Variants in TACC1 observed in about 807,000 individuals in gnomAD.
The protein encoded by TACC1 is transforming acidic coiled-coil containing protein 1.
A neutral mutation model predicts 84.4 loss-of-function variants in TACC1; 48 were observed. That is an observed-to-expected ratio of 0.57 (90% CI 0.45 to 0.72). The LOEUF (loss-of-function observed/expected upper bound fraction) is 0.72. Ranked by LOEUF, TACC1 falls within the 30% of genes least tolerant of loss-of-function variation. The probability of loss-of-function intolerance (pLI) is 0.00; values close to 1 mark genes in which losing one functional copy is unlikely to be tolerated. For missense variants in TACC1, 920 were observed against 973.0 expected (o/e 0.95, Z 0.72); for synonymous variants, 372 against 376.3 (o/e 0.99, Z 0.13).
intron 3 of TACC1, among the ~76,000 whole-genome samples, chr8:38,746,797 T>G (rs1808170782): frequency 6.6e-6 from 1 of 152,214 alleles, no homozygotes; most frequent in Non-Finnish European, 1.5e-5. Flanking sequence ...AATCAACTAT[T>G]AAACAGTGCA....
intron 6 of TACC1, among the ~76,000 whole-genome samples, chr8:38,834,503 G>A (rs780598934): frequency 9.2e-5 from 14 of 152,216 alleles, no homozygotes; most frequent in Non-Finnish European, 1.5e-4. Flanking sequence ...CCCACTGCAA[G>A]TGCCTTCTGG....
At chr8:38,774,364 C>T (rs900768444) in intron 3 of TACC1, among the ~76,000 whole-genome samples, 7 of 152,180 alleles carry the variant, frequency 4.6e-5, no homozygotes, top group Admixed American at 1.3e-4. Flanking sequence ...CTCTTTTGTT[C>T]AACACAGTGT....
At chr8:38,790,769 C>G (rs1818459181) in intron 2 of TACC1, among the ~76,000 whole-genome samples, 1 of 152,192 alleles carries the variant, frequency 6.6e-6, no homozygotes, top group Non-Finnish European at 1.5e-5. Context: ...ATTGATAGCT[C>G]CATGCTGTGC....
At chr8:38,812,481 C>T (rs1049068967) in intron 2 of TACC1, among the ~76,000 whole-genome samples, 5 of 152,130 alleles carry the variant, frequency 3.3e-5, no homozygotes, top group African/African-American at 9.7e-5. Context: ...AAAGAACCTA[C>T]GTTGAAATAT....
intron 2 of TACC1, among the ~76,000 whole-genome samples, chr8:38,814,578 C>T (rs1824982265): frequency 1.3e-5 from 2 of 152,128 alleles, no homozygotes; most frequent in Admixed American, 1.3e-4. Context: ...GTGTCAGGTA[C>T]ACTCTATAAT....
At chr8:38,846,439 TAAAAA>T (rs201097284) in intron 11 of TACC1, 1 of 247,924 alleles carries the variant, frequency 4.0e-6, no homozygotes, top group Non-Finnish European at 7.6e-6. Context: ...TGTACTGGTC[TAAAAA>T]AAAAAAAAAA....
intron 2 of TACC1, among the ~76,000 whole-genome samples, chr8:38,818,396 C>G (rs1825913401): frequency 6.6e-6 from 1 of 152,160 alleles, no homozygotes; most frequent in African/African-American, 2.4e-5. Context: ...ACTCTTGTTT[C>G]AGATATCTAC....
chr8:38,842,455 G>A lies in TACC1; in HGVS notation c.2121+8G>A. On this transcript the variant is annotated splice_region_variant and intron_variant, in intron 10 of 12. Coordinates refer to ENST00000317827, the MANE Select transcript of TACC1 (RefSeq NM_006283.3). ...CTGGAAGGGTTCAAGAAGGTAGAGT[G>A]TTTTTTCCCTCTGTCTCCTGGTGTA... 6.3e-7 allele frequency: 1 copy of A among 1,598,192 alleles called. No homozygotes were observed. The highest frequency in any genetic ancestry group is 8.5e-7 in the Non-Finnish European group (1 of 1,173,318).
intron 2 of TACC1, among the ~76,000 whole-genome samples, chr8:38,808,787 A>G (rs1010078078): frequency 1.9e-4 from 29 of 152,310 alleles, no homozygotes; most frequent in African/African-American, 6.3e-4. Context: ...TGTAAATGCA[A>G]ATAGAATCTT....
chr8:38,816,816 T>A (rs1363549143), intron 2 of TACC1, among the ~76,000 whole-genome samples: 1 of 152,154 alleles, frequency 6.6e-6, no homozygotes, highest in African/African-American at 2.4e-5. Flanking sequence ...AGAGGTTTCA[T>A]CATGTAGGTG....
chr8:38,737,324 C>T (rs758436122), intron 1 of TACC1, among the ~76,000 whole-genome samples: 6 of 152,156 alleles, frequency 3.9e-5, no homozygotes, highest in African/African-American at 4.8e-5. Context: ...GGAATGTACT[C>T]GATGTCAAGT....
rs138208515 is a variant in TACC1 at position 38,733,651 on chromosome 8, A to G, written c.-675+4980A>G. Among the ~76,000 whole-genome samples, 548 of 152,132 alleles carry G rather than the reference A, an allele frequency of 3.6e-3. 2 individuals carry two copies. Among genetic ancestry groups the G allele is most frequent in the African/African-American group, 0.012 (510 of 41,482 alleles). ...CTCAGCAGGGACAGCACCCGGCAGC[A>G]GTAGGAAGCGGGTGTGATGTTCTTC... On this transcript the variant is annotated intron_variant, in intron 1 of 14. Coordinates refer to the TACC1 transcript ENST00000518415.
At position 38,850,450 on chromosome 8, in the gene TACC1, G is replaced by A. The variant is rs563195680; in HGVS notation, c.*2427G>A. ...TAGTATAGAGTTTGCCTCAACACAT[G>A]TGAGGGCCAAATAACCTGCTAGCTA... is the stretch of plus-strand genomic sequence containing the variant. On this transcript the variant is annotated 3_prime_UTR_variant, in exon 13 of 13. Transcript: ENST00000317827. 6.6e-6 allele frequency: 1 copy of A among 152,262 alleles called. No homozygotes were observed. Among genetic ancestry groups the A allele is most frequent in the African/African-American group, 2.4e-5 (1 of 41,550 alleles). The allele number at this position is 152,262 out of a possible 1,614,324, so 9.4% of individuals were successfully genotyped here.
intron 2 of TACC1, among the ~76,000 whole-genome samples, chr8:38,804,148 A>T (rs766251431): frequency 2.0e-5 from 3 of 152,198 alleles, no homozygotes; most frequent in Non-Finnish European, 2.9e-5. Flanking sequence ...TGTTTATGGA[A>T]GTGCTTTGAA....
chr8:38,842,229 C>T (rs990993686), intron 9 of TACC1, 58 bp from the exon 10 acceptor site: 8 of 1,569,714 alleles, frequency 5.1e-6, no homozygotes, highest in Non-Finnish European at 6.9e-6. Context: ...TGCTTGTCTT[C>T]TAAGGAGTGT....
At chr8:38,762,939 C>G (rs1388990739) in intron 3 of TACC1, among the ~76,000 whole-genome samples, 1 of 152,118 alleles carries the variant, frequency 6.6e-6, no homozygotes, top group Non-Finnish European at 1.5e-5. Flanking sequence ...GAGTATAAAC[C>G]TAGGAGCTGG....
exon 3 of TACC1, chr8:38,745,161 T>C (rs1807826987): frequency 3.8e-6 from 1 of 263,526 alleles, no homozygotes; most frequent in Non-Finnish European, 7.1e-6. Flanking sequence ...GCAGGCCAAA[T>C]CTCTGATCAA....
At chr8:38,840,625 G>A (rs1018660102) in intron 9 of TACC1, 4 of 173,328 alleles carry the variant, frequency 2.3e-5, no homozygotes, top group African/African-American at 4.7e-5. Context: ...TAAGACCATA[G>A]CCGGATCCAT....
intron 6 of TACC1, among the ~76,000 whole-genome samples, chr8:38,832,123 A>G (rs1243781137): frequency 6.6e-6 from 1 of 152,224 alleles, no homozygotes; most frequent in Non-Finnish European, 1.5e-5. Context: ...CTCAGTTCTT[A>G]AACTTTAAAC....
Sources: gnomAD v4.1 joint callset for allele counts (sites outside exome capture counted in the v4.1 genomes callset) on GRCh38, gnomAD v4.1.1 for gene constraint, MANE v1.5 for transcripts, NCBI Gene and HGNC (gene_info 2026-07-23, HGNC 2026-07-21) for gene names.